DDX46: variants seen among roughly 807,000 people sequenced by gnomAD.
DDX46 encodes the protein DEAD-box helicase 46.
DDX46 carries 30 observed loss-of-function variants against 134.9 expected under a neutral mutation model. The observed-to-expected ratio is 0.22, with a 90% CI of 0.17 to 0.30. The LOEUF (loss-of-function observed/expected upper bound fraction) is 0.30, where lower values mean the gene tolerates loss of function less well. DDX46 is among the 10% of genes least tolerant of loss of function. The probability of loss-of-function intolerance (pLI) is 1.00; values close to 1 mark genes in which losing one functional copy is unlikely to be tolerated. For missense variants in DDX46, 622 were observed against 1,248.7 expected, an observed-to-expected ratio of 0.50 and a Z score of 7.56; for synonymous variants, 415 against 404.1, an observed-to-expected ratio of 1.03 and a Z score of -0.32.
At chr5:134,826,423 C>T (rs773016988) in intron 21 of DDX46, 4 of 152,210 alleles carry the variant, frequency 2.6e-5, no homozygotes. Context: ...GCATGCTTGT[C>T]TTAACTCTGT....
intron 1 of DDX46, among the ~76,000 whole-genome samples, chr5:134,759,683 G>T (rs1319091551): frequency 3.3e-5 from 5 of 152,116 alleles, no homozygotes; most frequent in African/African-American, 9.7e-5. Context: ...TTTATGTCTA[G>T]GAACAATGAA....
At chr5:134,810,443 G>A (rs1242846229) in intron 16 of DDX46, among the ~76,000 whole-genome samples, 1 of 151,388 alleles carries the variant, frequency 6.6e-6, no homozygotes, top group Admixed American at 6.6e-5. Context: ...AGGATCAAGT[G>A]ATTCTCCTGC....
chr5:134,826,698 C>T (rs924992300), intron 21 of DDX46: 2 of 354,116 alleles, frequency 5.6e-6, no homozygotes, highest in Non-Finnish European at 1.0e-5. Flanking sequence ...TTTTTAATCA[C>T]CATACTAGGA....
At chr5:134,766,427 G>A (rs1446033966) in intron 2 of DDX46, among the ~76,000 whole-genome samples, 3 of 152,006 alleles carry the variant, frequency 2.0e-5, no homozygotes, top group Admixed American at 1.3e-4. Context: ...GGTGGTGCAT[G>A]CCTGTAATCC....
chr5:134,787,667 T>C (rs1426767143), intron 11 of DDX46, among the ~76,000 whole-genome samples: 1 of 152,232 alleles, frequency 6.6e-6, no homozygotes, highest in African/African-American at 2.4e-5. Flanking sequence ...AAAAGTTTTA[T>C]GATGTTAAGG....
intron 7 of DDX46, 29 bp downstream of exon 7, chr5:134,781,275 A>G (rs770540129): frequency 2.0e-6 from 3 of 1,528,362 alleles, no homozygotes; most frequent in African/African-American, 2.8e-5. Flanking sequence ...GACTTTGTTT[A>G]TGATACTATC....
At chr5:134,759,507 T>A (rs1208046981) in intron 1 of DDX46, among the ~76,000 whole-genome samples, 2 of 151,808 alleles carry the variant, frequency 1.3e-5, no homozygotes, top group South Asian at 4.1e-4. Context: ...AGCAGGTAAC[T>A]TTGTTACCTG....
intron 3 of DDX46, among the ~76,000 whole-genome samples, chr5:134,769,327 G>GTTTTT (rs1026334806): frequency 2.2e-4 from 22 of 100,458 alleles, no homozygotes; most frequent in East Asian, 6.9e-4. Flanking sequence ...TATTTTCAAG[G>GTTTTT]TTTTTTTTTT....
intron 21 of DDX46, among the ~76,000 whole-genome samples, chr5:134,820,394 A>G (rs1010627022): frequency 6.6e-6 from 1 of 151,206 alleles, no homozygotes; most frequent in African/African-American, 2.4e-5. Context: ...AGGGTTTAGC[A>G]CTCTATCGCC....
intron 15 of DDX46, among the ~76,000 whole-genome samples, chr5:134,804,537 C>T (rs929969362): frequency 7.9e-5 from 12 of 152,106 alleles, no homozygotes; most frequent in African/African-American, 2.9e-4. Context: ...TCTCTTTGCT[C>T]AGGTGATCCT....
chr5:134,762,360 G>C (rs1003139596), intron 1 of DDX46, among the ~76,000 whole-genome samples: 1 of 152,070 alleles, frequency 6.6e-6, no homozygotes, highest in African/African-American at 2.4e-5. Context: ...TGAGGTTACA[G>C]TGAGTAGCAA....
At chr5:134,763,058 CA>C (rs35936033) in intron 1 of DDX46, among the ~76,000 whole-genome samples, 42 of 144,356 alleles carry the variant, frequency 2.9e-4, no homozygotes, top group Admixed American at 2.8e-4. Flanking sequence ...GACTCTTTCT[CA>C]AAAAAAAAAA....
At chr5:134,784,723 G>T (rs1754277914) in intron 10 of DDX46, 182 bp downstream of exon 10, 2 of 493,798 alleles carry the variant, frequency 4.1e-6, no homozygotes, top group South Asian at 3.5e-5. Context: ...AATCTTCAGA[G>T]CTCTGGAGTG....
intron 16 of DDX46, among the ~76,000 whole-genome samples, chr5:134,809,378 G>GT (rs1755076122): frequency 6.6e-6 from 1 of 151,948 alleles, no homozygotes; most frequent in Admixed American, 6.6e-5. Context: ...TTTTGTTTTT[G>GT]TTTTTTTGAG....
chr5:134,811,338 T>A lies in DDX46; in HGVS notation c.2266T>A (p.Phe756Ile), dbSNP rs1207483026. Reference protein sequence around the residue: ...PPDLEKLWSDFKDQQKAEGKI... With the variant: ...PPDLEKLWSDIKDQQKAEGKI... ...TGATTTAGAGAAACTGTGGAGTGAT[T>A]TCAAAGATCAGCAGAAAGCTGTGAG... The change falls in exon 17 of 23, where the codon TTC becomes ATC. Residue 756 changes from phenylalanine (F) to isoleucine (I), a missense_variant. Coordinates refer to ENST00000452510, the MANE Select transcript of DDX46 (RefSeq NM_001300860.2). The A allele has an allele frequency of 2.5e-6, 4 of 1,614,018 alleles. No homozygotes were observed. Among genetic ancestry groups the A allele is most frequent in the Non-Finnish European group, 2.5e-6 (3 of 1,179,966 alleles).
intron 15 of DDX46, among the ~76,000 whole-genome samples, chr5:134,802,577 T>G (rs1159238650): frequency 9.2e-5 from 14 of 152,174 alleles, no homozygotes; most frequent in Non-Finnish European, 2.1e-4. Flanking sequence ...TTGTATTTTT[T>G]TAGTTCTAAA....
At chr5:134,790,628 T>C in intron 13 of DDX46, 76 bp downstream of exon 13, 1 of 1,315,452 alleles carries the variant, frequency 7.6e-7, no homozygotes. Context: ...AATGTTCATG[T>C]GGTTTCTGAA....
intron 3 of DDX46, 138 bp downstream of exon 3, chr5:134,767,198 T>A (rs1753602240): frequency 9.3e-7 from 1 of 1,080,162 alleles, no homozygotes; most frequent in African/African-American, 1.6e-5. Context: ...CTGTTGGCAG[T>A]GTTTTATTTT....
chr5:134,777,911 C>A, intron 6 of DDX46, 186 bp downstream of exon 6: 2 of 561,736 alleles, frequency 3.6e-6, no homozygotes, highest in Non-Finnish European at 5.8e-6. Flanking sequence ...AGTGTTCTTT[C>A]AAAAGTCACT....
Sources: allele counts gnomAD v4.1 joint callset (sites outside exome capture counted in the v4.1 genomes callset), GRCh38; gene constraint gnomAD v4.1.1; transcripts MANE v1.5; gene names NCBI Gene and HGNC (gene_info 2026-07-23, HGNC 2026-07-21).